STPG2: variants seen among roughly 807,000 people sequenced by gnomAD.
The protein encoded by STPG2 is sperm tail PG-rich repeat containing 2, also known as sperm-tail PG-rich repeat-containing protein 2.
In STPG2, 56 loss-of-function variants were observed where a neutral mutation model predicts 54.2. The observed-to-expected ratio is 1.03, with a 90% CI of 0.83 to 1.29. STPG2 has a LOEUF of 1.29. Ranked by LOEUF, STPG2 falls within the 50% of genes most tolerant of loss-of-function variation. STPG2 has a pLI of 0.00. For missense variants in STPG2, 596 were observed against 544.9 expected (o/e 1.09, Z -0.93); for synonymous variants, 200 against 181.8 (o/e 1.10, Z -0.81).
intron 5 of STPG2, among the ~76,000 whole-genome samples, chr4:98,046,050 CTT>C (rs546145548): frequency 1.1e-4 from 15 of 136,450 alleles, no homozygotes; most frequent in Non-Finnish European, 1.3e-4. Context: ...TTTTTTCATT[CTT>C]TTTTTTTTTT....
At chr4:97,746,872 CT>C (rs1725433784) in intron 9 of STPG2, among the ~76,000 whole-genome samples, 1 of 151,210 alleles carries the variant, frequency 6.6e-6, no homozygotes. Context: ...GTGTCTATTG[CT>C]ATATACCATG....
intron 5 of STPG2, among the ~76,000 whole-genome samples, chr4:98,044,250 A>T (rs1382557905): frequency 6.6e-6 from 1 of 151,988 alleles, no homozygotes; most frequent in African/African-American, 2.4e-5. Flanking sequence ...CTTTCTTTTG[A>T]TCTATGTATT....
chr4:97,695,358 C>T (rs1296502362), intron 10 of STPG2, among the ~76,000 whole-genome samples: 1 of 152,026 alleles, frequency 6.6e-6, no homozygotes, highest in Non-Finnish European at 1.5e-5. Flanking sequence ...GTAATAAAAG[C>T]CATTTATGAC....
intron 8 of STPG2, among the ~76,000 whole-genome samples, chr4:97,923,100 C>T (rs547367312): frequency 3.0e-4 from 46 of 152,382 alleles, no homozygotes; most frequent in African/African-American, 1.1e-3. Context: ...TGGCAGCCCT[C>T]GCAGCCCTCG....
intron 4 of STPG2, among the ~76,000 whole-genome samples, chr4:97,542,719 C>T (rs958246615): frequency 3.3e-5 from 5 of 151,936 alleles, no homozygotes; most frequent in East Asian, 1.9e-4. Context: ...TGGAACGAAC[C>T]GAAATGTCCA....
At chr4:97,755,485 C>G (rs1725699804) in intron 9 of STPG2, among the ~76,000 whole-genome samples, 1 of 152,072 alleles carries the variant, frequency 6.6e-6, no homozygotes, top group Non-Finnish European at 1.5e-5. Flanking sequence ...CCACAGACAT[C>G]CTTCATTTTC....
intron 3 of STPG2, among the ~76,000 whole-genome samples, chr4:98,118,287 TC>T (rs552312489): frequency 3.3e-5 from 5 of 152,104 alleles, no homozygotes; most frequent in African/African-American, 4.8e-5. Flanking sequence ...TGTTTAGCCA[TC>T]ACTTCCTGCT....
chr4:97,494,864 G>A (rs1385082346), intron 4 of STPG2, among the ~76,000 whole-genome samples: 1 of 151,474 alleles, frequency 6.6e-6, no homozygotes, highest in Non-Finnish European at 1.5e-5. Flanking sequence ...ATAATTAAAT[G>A]TATGGAATGA....
chr4:98,023,788 G>A (rs1185792888), intron 5 of STPG2, among the ~76,000 whole-genome samples: 1 of 152,156 alleles, frequency 6.6e-6, no homozygotes, highest in Non-Finnish European at 1.5e-5. Context: ...TCAGACTGCT[G>A]TGCTAGCAAT....
intron 1 of STPG2, among the ~76,000 whole-genome samples, chr4:98,142,311 G>A (rs998898627): frequency 2.0e-5 from 3 of 152,132 alleles, no homozygotes; most frequent in African/African-American, 7.2e-5. Flanking sequence ...TGGGGAAAAT[G>A]TAGGTTAAGA....
At chr4:98,098,365 T>C (rs746662875) in intron 5 of STPG2, among the ~76,000 whole-genome samples, 9 of 151,962 alleles carry the variant, frequency 5.9e-5, no homozygotes, top group Non-Finnish European at 1.2e-4. Flanking sequence ...AGAACATACA[T>C]TGGGGAAAAA....
chr4:97,604,145 C>A (rs969998014), intron 10 of STPG2, among the ~76,000 whole-genome samples: 1 of 151,564 alleles, frequency 6.6e-6, no homozygotes, highest in Non-Finnish European at 1.5e-5. Flanking sequence ...CTCAGTTTTA[C>A]TCTAGGGCAG....
At chr4:98,004,243 T>C (rs927589716) in intron 5 of STPG2, among the ~76,000 whole-genome samples, 3 of 152,180 alleles carry the variant, frequency 2.0e-5, no homozygotes, top group Non-Finnish European at 2.9e-5. Context: ...ATCATGCATC[T>C]TTCTGTGTCT....
intron 10 of STPG2, among the ~76,000 whole-genome samples, chr4:97,621,753 G>A (rs1734016988): frequency 6.6e-6 from 1 of 152,156 alleles, no homozygotes; most frequent in Admixed American, 6.6e-5. Flanking sequence ...TTAAGAAGGA[G>A]GGACTCCTCT....
chr4:97,819,791 TA>T (rs1330843657), intron 9 of STPG2, among the ~76,000 whole-genome samples: 1 of 152,118 alleles, frequency 6.6e-6, no homozygotes, highest in African/African-American at 2.4e-5. Flanking sequence ...ATTTTTAATA[TA>T]TTTTTGACTT....
chr4:97,939,353 T>C (rs998564511), intron 8 of STPG2, among the ~76,000 whole-genome samples: 2 of 152,170 alleles, frequency 1.3e-5, no homozygotes, highest in African/African-American at 2.4e-5. Flanking sequence ...ATTTAACTCC[T>C]GAATATCTTT....
intron 10 of STPG2, among the ~76,000 whole-genome samples, chr4:97,660,885 C>T (rs184107254): frequency 1.4e-4 from 22 of 151,978 alleles, no homozygotes; most frequent in South Asian, 1.2e-3. Context: ...TTTCATAATC[C>T]GTATATATAT....
chr4:98,052,052 A>C (rs1430073680), intron 5 of STPG2, among the ~76,000 whole-genome samples: 6 of 129,418 alleles, frequency 4.6e-5, no homozygotes, highest in African/African-American at 1.5e-4. Context: ...GCATCATTGC[A>C]CTCCAGCCTG....
At chr4:97,657,183 A>C (rs1560706067) in intron 10 of STPG2, among the ~76,000 whole-genome samples, 1 of 152,266 alleles carries the variant, frequency 6.6e-6, no homozygotes, top group East Asian at 1.9e-4. Context: ...GGAATAAAAA[A>C]ATAAAATAAC....
Sources: gnomAD v4.1 joint callset for allele counts (sites outside exome capture counted in the v4.1 genomes callset) on GRCh38, gnomAD v4.1.1 for gene constraint, MANE v1.5 for transcripts, NCBI Gene and HGNC (gene_info 2026-07-23, HGNC 2026-07-21) for gene names.